NSUN4: variants seen among roughly 807,000 people sequenced by gnomAD.
NSUN4 encodes the protein NOP2/Sun RNA methyltransferase 4.
Under a neutral mutation model 43.8 loss-of-function variants are expected in NSUN4, and 31 were observed. That is an observed-to-expected ratio of 0.71 (90% CI 0.53 to 0.96). The LOEUF (loss-of-function observed/expected upper bound fraction) is 0.96. Ranked by LOEUF, NSUN4 falls within the 40% of genes least tolerant of loss-of-function variation. The pLI is 0.00. For missense variants in NSUN4, 439 were observed against 475.6 expected, an observed-to-expected ratio of 0.92 and a Z score of 0.72; for synonymous variants, 167 against 184.1, an observed-to-expected ratio of 0.91 and a Z score of 0.75.
intron 2 of NSUN4, among the ~76,000 whole-genome samples, chr1:46,345,736 T>G (rs1201654618): frequency 6.6e-6 from 1 of 152,226 alleles, no homozygotes; most frequent in Non-Finnish European, 1.5e-5. Context: ...TCCTCATGTA[T>G]ATGAAGTTGA....
intron 1 of NSUN4, 55 bp downstream of exon 1, chr1:46,340,974 T>G (rs546723714): frequency 6.8e-7 from 1 of 1,472,800 alleles, no homozygotes; most frequent in African/African-American, 1.4e-5. Flanking sequence ...ACTTCTCCAG[T>G]CTTTCCGTTT....
intron 4 of NSUN4, among the ~76,000 whole-genome samples, chr1:46,355,788 G>A (rs768742051): frequency 3.3e-5 from 5 of 152,176 alleles, no homozygotes; most frequent in Non-Finnish European, 7.3e-5. Context: ...GCCAAGGTGG[G>A]TGGATCACCT....
At chr1:46,369,010 CAA>C (rs1019889277), downstream of NSUN4, among the ~76,000 whole-genome samples, 4 of 152,316 alleles carry the variant, frequency 2.6e-5, no homozygotes, top group African/African-American at 9.6e-5. Flanking sequence ...CCCTTTTGCA[CAA>C]ATTCTTTGTC....
chr1:46,377,772 T>C, the NSUN4 span, among the ~76,000 whole-genome samples: 1 of 152,238 alleles, frequency 6.6e-6, no homozygotes, highest in African/African-American at 2.4e-5. Context: ...ATTAAGTCAT[T>C]TAATTCCCAC....
At chr1:46,346,667 C>T (rs112491752) in intron 2 of NSUN4, among the ~76,000 whole-genome samples, 34,067 of 151,712 alleles carry the variant, frequency 0.22, 4,274 homozygotes, top group Non-Finnish European at 0.29. Context: ...GAGGTTGCAG[C>T]GAGACGAGAT....
At position 46,362,001 on chromosome 1, in the gene NSUN4, T is replaced by G; in HGVS notation, c.*155T>G. ...TTTTCGGCAATAAGAAGTAGAAGAT[T>G]TGCTGTCCTGCTGTCCAATTGTGGA... On this transcript the variant is annotated 3_prime_UTR_variant, in exon 6 of 6. Coordinates refer to ENST00000474844, the MANE Select transcript of NSUN4 (RefSeq NM_199044.4). The G allele has an allele frequency of 1.4e-6, 1 of 694,398 alleles. No individual in the cohort carries two copies. Among genetic ancestry groups the G allele is most frequent in the South Asian group, 1.9e-5 (1 of 52,358 alleles). The allele number at this position is 694,398 out of a possible 1,614,324, so 43.0% of individuals were successfully genotyped here.
chr1:46,341,307 C>T lies in NSUN4; in HGVS notation c.93+388C>T, dbSNP rs1056078827. On this transcript the variant is annotated intron_variant, in intron 1 of 5. Transcript: ENST00000474844. ...CTTCCCCCACATGACTTCTCCTTTC[C>T]TCATTGATTTTCCAGCCCGGTCGCC... 28 of 1,005,260 alleles carry T rather than the reference C, an allele frequency of 2.8e-5. No individual in the cohort carries two copies. The African/African-American group carries it at 5.0e-4, about 18-fold the overall frequency. The allele number at this position is 1,005,260 out of a possible 1,614,324, so 62.3% of individuals were successfully genotyped here.
At chr1:46,349,613 C>T (rs1662833196) in intron 3 of NSUN4, among the ~76,000 whole-genome samples, 2 of 152,236 alleles carry the variant, frequency 1.3e-5, no homozygotes. Flanking sequence ...GACCTAGACC[C>T]TTCTTTTCCA....
chr1:46,374,045 G>A, the NSUN4 span, among the ~76,000 whole-genome samples: 5 of 152,088 alleles, frequency 3.3e-5, no homozygotes, highest in Non-Finnish European at 7.4e-5. Context: ...CCAGCACTTT[G>A]GAAGGCCGAG....
chr1:46,360,941 T>G, intron 5 of NSUN4, 113 bp downstream of exon 5: 1 of 1,233,142 alleles, frequency 8.1e-7, no homozygotes. Flanking sequence ...TGGCTGGAGA[T>G]CTGCCTAGAG....
At chr1:46,342,912 A>C in intron 1 of NSUN4, 1 of 399,836 alleles carries the variant, frequency 2.5e-6, no homozygotes, top group South Asian at 1.3e-4. Flanking sequence ...TCCTTCTTGT[A>C]TGCAGCCATA....
chr1:46,372,516 T>G, the NSUN4 span, among the ~76,000 whole-genome samples: 1 of 152,174 alleles, frequency 6.6e-6, no homozygotes, highest in Admixed American at 6.5e-5. Flanking sequence ...GATTATAAAT[T>G]CCATCTTTAA....
the NSUN4 span, chr1:46,371,088 G>A: frequency 6.6e-6 from 1 of 152,124 alleles, no homozygotes; most frequent in Non-Finnish European, 1.5e-5. Context: ...TGGCACTGTG[G>A]TAGGAGAGGC....
At chr1:46,361,131 A>G (rs1404445688) in intron 5 of NSUN4, among the ~76,000 whole-genome samples, 3 of 152,136 alleles carry the variant, frequency 2.0e-5, no homozygotes, top group Non-Finnish European at 4.4e-5. Context: ...TGGGTAACAG[A>G]GCAAGACTCT....
chr1:46,366,704 CAAAAAA>C (rs34437222), downstream of NSUN4, among the ~76,000 whole-genome samples: 1 of 59,430 alleles, frequency 1.7e-5, no homozygotes, highest in Non-Finnish European at 2.8e-5. Flanking sequence ...ACTAAAAATA[CAAAAAA>C]AAAAAAAAAA....
chr1:46,358,287 G>A (rs1006799973), intron 4 of NSUN4, among the ~76,000 whole-genome samples: 2 of 151,960 alleles, frequency 1.3e-5, no homozygotes, highest in African/African-American at 4.8e-5. Flanking sequence ...GTAGAGACAG[G>A]GTTTCGCCAT....
Position 46,362,522 on chromosome 1 carries a change from A to G in NSUN4, c.*676A>G, listed in dbSNP as rs1256637350. On this transcript the variant is annotated 3_prime_UTR_variant, in exon 6 of 6. Coordinates refer to ENST00000474844, the MANE Select transcript of NSUN4 (RefSeq NM_199044.4). ...GGCTTAGGAGGCTGCTTCTGCCACA[A>G]AACCGTCATACTCTTGTGCGTGCCT... 6.6e-6 allele frequency: 1 copy of G among 152,330 alleles called. No homozygotes were observed. Among genetic ancestry groups the G allele is most frequent in the African/African-American group, 2.4e-5 (1 of 41,448 alleles). 9.4% of individuals were successfully genotyped at this position (152,330 alleles called of 1,614,324 possible).
At chr1:46,372,783 C>T in the NSUN4 span, among the ~76,000 whole-genome samples, 1 of 152,190 alleles carries the variant, frequency 6.6e-6, no homozygotes, top group Non-Finnish European at 1.5e-5. Flanking sequence ...AGTGCAATGA[C>T]ATGATCTCAG....
intron 3 of NSUN4, among the ~76,000 whole-genome samples, chr1:46,349,132 G>T (rs186396059): frequency 7.7e-6 from 1 of 129,874 alleles, no homozygotes. Flanking sequence ...GTTTTTTTTG[G>T]TTTGTTTTTT....
Sources: allele counts gnomAD v4.1 joint callset (sites outside exome capture counted in the v4.1 genomes callset), GRCh38; gene constraint gnomAD v4.1.1; transcripts MANE v1.5; gene names NCBI Gene and HGNC (gene_info 2026-07-23, HGNC 2026-07-21).